The following TMEM132B variants were observed in gnomAD, a reference collection of about 807,000 sequenced individuals.
TMEM132B encodes the protein transmembrane protein 132B.
In TMEM132B, 18 loss-of-function variants were observed where a neutral mutation model predicts 90.8. The observed-to-expected ratio is 0.20, with a 90% CI of 0.14 to 0.29. TMEM132B has a LOEUF of 0.29. TMEM132B is among the 10% of genes least tolerant of loss of function. The pLI, the probability that TMEM132B is intolerant of heterozygous loss-of-function variation, is 1.00. For synonymous variants in TMEM132B, 504 were observed against 523.3 expected, an observed-to-expected ratio of 0.96 and a Z score of 0.50; for missense variants, 1,096 against 1,326.8, an observed-to-expected ratio of 0.83 and a Z score of 2.70.
chr12:125,455,215 C>A (rs898095759), intron 3 of TMEM132B, among the ~76,000 whole-genome samples: 8 of 151,678 alleles, frequency 5.3e-5, no homozygotes, highest in African/African-American at 1.7e-4. Context: ...GAATAAAGAC[C>A]CGACTAGGGG....
intron 1 of TMEM132B, among the ~76,000 whole-genome samples, chr12:125,272,561 G>A (rs945739010): frequency 3.9e-5 from 6 of 152,082 alleles, no homozygotes; most frequent in African/African-American, 1.2e-4. Flanking sequence ...GCTCCTGAGA[G>A]CTCTTGGATT....
At chr12:125,279,813 T>C (rs997861793) in intron 1 of TMEM132B, among the ~76,000 whole-genome samples, 2 of 152,202 alleles carry the variant, frequency 1.3e-5, no homozygotes, top group African/African-American at 2.4e-5. Flanking sequence ...GATGGTTCAT[T>C]GTAAACTCAA....
At chr12:125,441,329 G>C (rs1390818877) in intron 3 of TMEM132B, among the ~76,000 whole-genome samples, 1 of 152,182 alleles carries the variant, frequency 6.6e-6, no homozygotes, top group Non-Finnish European at 1.5e-5. Context: ...ACAAAGAAGA[G>C]TATTTCTATA....
At chr12:125,473,440 T>G (rs568727871) in intron 3 of TMEM132B, among the ~76,000 whole-genome samples, 1 of 152,380 alleles carries the variant, frequency 6.6e-6, no homozygotes, top group African/African-American at 2.4e-5. Flanking sequence ...TGAAGGTAGA[T>G]GATATGCTTG....
chr12:125,244,568 T>TAC (rs1225778153), intron 1 of TMEM132B, among the ~76,000 whole-genome samples: 2 of 152,182 alleles, frequency 1.3e-5, no homozygotes. Flanking sequence ...GTCACTGGTA[T>TAC]ACACCCAAGG....
chr12:125,565,341 G>A (rs2136809986), intron 4 of TMEM132B, among the ~76,000 whole-genome samples: 1 of 152,352 alleles, frequency 6.6e-6, no homozygotes, highest in Non-Finnish European at 1.5e-5. Flanking sequence ...GCAGGTGCAG[G>A]AGCTGGGGCA....
At chr12:125,326,519 C>A in intron 1 of TMEM132B, 1 of 1,320,396 alleles carries the variant, frequency 7.6e-7, no homozygotes, top group Non-Finnish European at 1.1e-6. Flanking sequence ...TAGTAAACAT[C>A]GGCTTAATGC....
At chr12:125,393,331 A>C (rs1231324996) in intron 2 of TMEM132B, among the ~76,000 whole-genome samples, 1 of 152,230 alleles carries the variant, frequency 6.6e-6, no homozygotes, top group Admixed American at 6.5e-5. Context: ...TATGGGTCTT[A>C]ACTGTTTGAG....
chr12:125,261,526 A>T (rs1874567625), intron 1 of TMEM132B, among the ~76,000 whole-genome samples: 1 of 152,204 alleles, frequency 6.6e-6, no homozygotes, highest in African/African-American at 2.4e-5. Context: ...ACTCATGTAT[A>T]CCATGACCAT....
intron 3 of TMEM132B, among the ~76,000 whole-genome samples, chr12:125,443,415 CAG>C (rs1880926400): frequency 2.0e-5 from 3 of 152,248 alleles, no homozygotes; most frequent in African/African-American, 7.2e-5. Flanking sequence ...TGAACTCCAG[CAG>C]AGTCAGAAAA....
At chr12:125,571,712 G>A (rs1884799911) in intron 4 of TMEM132B, among the ~76,000 whole-genome samples, 1 of 152,090 alleles carries the variant, frequency 6.6e-6, no homozygotes. Flanking sequence ...TCAACACAAA[G>A]ACACATTGTT....
intron 5 of TMEM132B, among the ~76,000 whole-genome samples, chr12:125,632,774 G>C (rs1484441738): frequency 6.6e-6 from 1 of 151,892 alleles, no homozygotes; most frequent in Non-Finnish European, 1.5e-5. Context: ...ATGTATTGAG[G>C]CTCCATTGTA....
intron 6 of TMEM132B, among the ~76,000 whole-genome samples, chr12:125,644,948 C>T (rs116240555): frequency 3.6e-4 from 54 of 152,110 alleles, no homozygotes; most frequent in East Asian, 3.3e-3. Flanking sequence ...GTTCTAAAGA[C>T]GACTCTCGCC....
chr12:125,549,284 A>G (rs753095376), intron 4 of TMEM132B, among the ~76,000 whole-genome samples: 2 of 152,236 alleles, frequency 1.3e-5, no homozygotes, highest in African/African-American at 4.8e-5. Context: ...AATGACTTTC[A>G]GTGAGTCCGC....
chr12:125,308,520 C>G (rs1348757615), intron 1 of TMEM132B, among the ~76,000 whole-genome samples: 1 of 152,098 alleles, frequency 6.6e-6, no homozygotes, highest in African/African-American at 2.4e-5. Context: ...TTGCTGGGCT[C>G]AAGGGGTTAT....
chr12:125,263,651 A>T (rs904313608), intron 1 of TMEM132B, among the ~76,000 whole-genome samples: 3 of 152,094 alleles, frequency 2.0e-5, no homozygotes, highest in Non-Finnish European at 2.9e-5. Context: ...TGTTTCAAAA[A>T]TTTTTTTTGA....
At chr12:125,512,504 C>A (rs976924737) in intron 3 of TMEM132B, among the ~76,000 whole-genome samples, 11 of 152,138 alleles carry the variant, frequency 7.2e-5, no homozygotes, top group Admixed American at 3.9e-4. Flanking sequence ...GTAAAGGAAC[C>A]CAATTTCTTA....
chr12:125,366,630 T>C (rs565373125), intron 2 of TMEM132B, among the ~76,000 whole-genome samples: 3 of 152,328 alleles, frequency 2.0e-5, no homozygotes, highest in Admixed American at 6.5e-5. Context: ...TTAGCTACAA[T>C]GTGCAGAGGT....
At chr12:125,296,840 G>A (rs896977489) in intron 1 of TMEM132B, among the ~76,000 whole-genome samples, 9 of 152,224 alleles carry the variant, frequency 5.9e-5, no homozygotes, top group Non-Finnish European at 1.0e-4. Flanking sequence ...CTTGTGCTAC[G>A]TTAGGGATTA....
Sources: allele counts gnomAD v4.1 joint callset (sites outside exome capture counted in the v4.1 genomes callset), GRCh38; gene constraint gnomAD v4.1.1; transcripts MANE v1.5; gene names NCBI Gene and HGNC (gene_info 2026-07-23, HGNC 2026-07-21).